The following EYA2 variants were observed in gnomAD, a reference collection of about 807,000 sequenced individuals.
EYA2 encodes protein phosphatase EYA2.
EYA2 carries 31 observed loss-of-function variants against 69.2 expected under a neutral mutation model. The ratio of observed to expected loss-of-function variants is 0.45; its 90% confidence interval spans 0.34 to 0.60. The LOEUF (loss-of-function observed/expected upper bound fraction) is 0.60, where lower values mean the gene tolerates loss of function less well. EYA2 is among the 20% of genes least tolerant of loss of function. EYA2 has a pLI of 0.02. For synonymous variants in EYA2, 257 were observed against 279.4 expected, an observed-to-expected ratio of 0.92 and a Z score of 0.80; for missense variants, 622 against 701.2, an observed-to-expected ratio of 0.89 and a Z score of 1.28.
intron 5 of EYA2, among the ~76,000 whole-genome samples, chr20:47,068,139 G>A (rs1172109270): frequency 6.6e-6 from 1 of 152,196 alleles, no homozygotes. Context: ...TATGGAACAT[G>A]GGAATGGCAA....
chr20:46,975,382 A>T (rs1198684530), intron 1 of EYA2, among the ~76,000 whole-genome samples: 2 of 152,174 alleles, frequency 1.3e-5, no homozygotes, highest in Non-Finnish European at 2.9e-5. Flanking sequence ...CAAAATAAAA[A>T]GTTTTGGCCG....
chr20:47,151,178 C>T (rs2146613369), intron 10 of EYA2, among the ~76,000 whole-genome samples: 1 of 152,052 alleles, frequency 6.6e-6, no homozygotes, highest in East Asian at 2.0e-4. Flanking sequence ...CATGACCAGC[C>T]TGGCCAACAT....
At chr20:47,028,942 AAAC>A (rs904209367) in intron 5 of EYA2, among the ~76,000 whole-genome samples, 30 of 150,628 alleles carry the variant, frequency 2.0e-4, no homozygotes, top group Middle Eastern at 3.4e-3. Context: ...AATTAAAAAA[AAAC>A]AAATGCCAGA....
chr20:47,002,959 C>T (rs961930520), intron 3 of EYA2, among the ~76,000 whole-genome samples: 2 of 152,232 alleles, frequency 1.3e-5, no homozygotes, highest in Non-Finnish European at 2.9e-5. Flanking sequence ...TAAACTTTTG[C>T]ATTCACCTGC....
chr20:46,994,453 T>C (rs1044241517), intron 2 of EYA2, among the ~76,000 whole-genome samples: 3 of 152,180 alleles, frequency 2.0e-5, no homozygotes, highest in African/African-American at 7.2e-5. Flanking sequence ...AATCTCATTG[T>C]TTCCAAGGAG....
At chr20:47,031,293 G>A (rs1243947786) in intron 5 of EYA2, among the ~76,000 whole-genome samples, 3 of 152,228 alleles carry the variant, frequency 2.0e-5, no homozygotes, top group Non-Finnish European at 4.4e-5. Flanking sequence ...CAAGGGGAGA[G>A]GGGTGGGGAA....
At chr20:47,066,866 C>T (rs2031128714) in intron 5 of EYA2, among the ~76,000 whole-genome samples, 1 of 152,110 alleles carries the variant, frequency 6.6e-6, no homozygotes, top group South Asian at 2.1e-4. Flanking sequence ...ATTGTATCAG[C>T]CAGAAGGAAG....
At position 47,058,173 on chromosome 20, in the gene EYA2, A is replaced by G. The variant is rs77678096; in HGVS notation, c.416-14012A>G. 8.3e-3 allele frequency among the ~76,000 whole-genome samples: 1,265 copies of G among 152,364 alleles called. 18 individuals carry two copies. The highest frequency in any genetic ancestry group is 0.029 in the African/African-American group (1,212 of 41,570). ...TCTCCTTAAAAAGAGGAGGAAATCC[A>G]GAAGACAACAAGCCCAAGGAGGGAT... On this transcript the variant is annotated intron_variant, in intron 5 of 15. Transcript: ENST00000327619.
At chr20:47,021,660 G>C (rs951466286) in intron 5 of EYA2, among the ~76,000 whole-genome samples, 1 of 150,682 alleles carries the variant, frequency 6.6e-6, no homozygotes, top group Admixed American at 6.6e-5. Context: ...GAAAACAGTG[G>C]GATCCCTATC....
chr20:46,969,226 T>TTTG (rs1555807652), intron 1 of EYA2, among the ~76,000 whole-genome samples: 13 of 151,698 alleles, frequency 8.6e-5, no homozygotes, highest in African/African-American at 1.2e-4. Context: ...TTGGTTTTTT[T>TTTG]TTTGTTTGTT....
chr20:47,074,975 A>G (rs1004023975), intron 7 of EYA2, among the ~76,000 whole-genome samples: 4 of 152,212 alleles, frequency 2.6e-5, no homozygotes, highest in African/African-American at 9.6e-5. Flanking sequence ...AGCCTGAGTC[A>G]TGGCAGGCAC....
At chr20:47,169,063 G>A (rs375373773) in intron 10 of EYA2, 76 bp from the exon 11 acceptor site, 3 of 1,422,216 alleles carry the variant, frequency 2.1e-6, no homozygotes, top group Non-Finnish European at 2.0e-6. Flanking sequence ...AGCTTATGAG[G>A]CCAACCCTTG....
intron 1 of EYA2, among the ~76,000 whole-genome samples, chr20:46,914,246 C>G (rs1305801025): frequency 6.6e-6 from 1 of 152,210 alleles, no homozygotes; most frequent in African/African-American, 2.4e-5. Flanking sequence ...GAATATTCCA[C>G]AGTAGAACTC....
intron 2 of EYA2, among the ~76,000 whole-genome samples, chr20:47,000,737 A>G (rs908304740): frequency 6.6e-6 from 1 of 151,972 alleles, no homozygotes; most frequent in Non-Finnish European, 1.5e-5. Context: ...GTGCTGAGTG[A>G]TTGGGTGTTA....
chr20:47,180,186 C>CT (rs1450470783), intron 13 of EYA2, among the ~76,000 whole-genome samples: 2 of 141,640 alleles, frequency 1.4e-5, no homozygotes, highest in African/African-American at 5.7e-5. Context: ...GTGTGCACCA[C>CT]CACACCTAGC....
chr20:46,951,984 C>T lies in EYA2; in HGVS notation c.-10-38017C>T, dbSNP rs531255330. 5.9e-5 allele frequency among the ~76,000 whole-genome samples: 9 copies of T among 152,288 alleles called. No individual in the cohort carries two copies. In the South Asian group the frequency reaches 1.9e-3, roughly 32 times the overall value. On this transcript the variant is annotated intron_variant, in intron 1 of 15. Coordinates refer to ENST00000327619, the MANE Select transcript of EYA2 (RefSeq NM_005244.5). ...ATATTTATTATGCTCCTACTTATAC[C>T]AGGCATGACTATTGGTGTTGAAAGC...
At chr20:46,998,906 C>T (rs945459408) in intron 2 of EYA2, among the ~76,000 whole-genome samples, 2 of 152,296 alleles carry the variant, frequency 1.3e-5, no homozygotes, top group East Asian at 1.9e-4. Flanking sequence ...GCCTGTTTCT[C>T]GCTTGCACAG....
chr20:47,012,536 C>T (rs919844853), intron 4 of EYA2, among the ~76,000 whole-genome samples: 5 of 152,182 alleles, frequency 3.3e-5, no homozygotes, highest in African/African-American at 1.2e-4. Context: ...CTCTTTAGCC[C>T]AGGCTGGAGT....
intron 1 of EYA2, among the ~76,000 whole-genome samples, chr20:46,942,019 A>T (rs1335180884): frequency 2.0e-5 from 3 of 151,954 alleles, no homozygotes; most frequent in African/African-American, 7.3e-5. Flanking sequence ...AGCCTCCCAA[A>T]GTGTTGAGGT....
Sources: allele counts gnomAD v4.1 joint callset (sites outside exome capture counted in the v4.1 genomes callset), GRCh38; gene constraint gnomAD v4.1.1; transcripts MANE v1.5; gene names NCBI Gene and HGNC (gene_info 2026-07-23, HGNC 2026-07-21).